KDM4C: variants seen among roughly 807,000 people sequenced by gnomAD.
KDM4C encodes lysine-specific demethylase 4C.
KDM4C carries 81 observed loss-of-function variants against 129.3 expected under a neutral mutation model. That is an observed-to-expected ratio of 0.63 (90% CI 0.52 to 0.75). The LOEUF is 0.75. Among genes scored for constraint, KDM4C ranks in the 30% least tolerant of loss-of-function variants. The pLI, the probability that KDM4C is intolerant of heterozygous loss-of-function variation, is 0.00. For synonymous variants in KDM4C, 573 were observed against 456.1 expected, an observed-to-expected ratio of 1.26 and a Z score of -3.26; for missense variants, 1,457 against 1,304.0, an observed-to-expected ratio of 1.12 and a Z score of -1.81.
At chr9:7,147,844 G>T (rs115251400) in intron 19 of KDM4C, among the ~76,000 whole-genome samples, 26 of 152,344 alleles carry the variant, frequency 1.7e-4, no homozygotes, top group African/African-American at 6.3e-4. Context: ...GAGCCTTAGG[G>T]TGTTGCTTTG....
At chr9:7,064,018 A>G (rs559763410) in intron 17 of KDM4C, among the ~76,000 whole-genome samples, 9 of 152,214 alleles carry the variant, frequency 5.9e-5, no homozygotes, top group Non-Finnish European at 1.2e-4. Context: ...TGCGCTTGGA[A>G]TGTGTCAGTG....
chr9:7,160,895 A>G (rs1296399605), intron 19 of KDM4C, among the ~76,000 whole-genome samples: 1 of 152,094 alleles, frequency 6.6e-6, no homozygotes, highest in Non-Finnish European at 1.5e-5. Flanking sequence ...AAGTCTGCAG[A>G]AGTTGTCTGC....
intron 15 of KDM4C, among the ~76,000 whole-genome samples, chr9:7,017,007 C>T (rs1461121064): frequency 6.6e-6 from 1 of 152,072 alleles, no homozygotes; most frequent in African/African-American, 2.4e-5. Flanking sequence ...GCAATCATGG[C>T]TCACCACAGT....
chr9:7,086,227 C>T (rs1200342149), intron 17 of KDM4C, among the ~76,000 whole-genome samples: 1 of 152,166 alleles, frequency 6.6e-6, no homozygotes, highest in African/African-American at 2.4e-5. Flanking sequence ...TTTTTAATAT[C>T]ATCTAAAATT....
intron 3 of KDM4C, among the ~76,000 whole-genome samples, chr9:6,808,002 C>T (rs1830426290): frequency 8.1e-6 from 1 of 123,630 alleles, no homozygotes; most frequent in Non-Finnish European, 1.7e-5. Context: ...GGGGGGTCAG[C>T]CCCCCTGCCC....
At chr9:6,772,519 G>T (rs759407653) in intron 1 of KDM4C, among the ~76,000 whole-genome samples, 1 of 151,996 alleles carries the variant, frequency 6.6e-6, no homozygotes, top group Non-Finnish European at 1.5e-5. Context: ...GCACCACCAC[G>T]CCTGGTTAAT....
At chr9:6,961,707 C>T (rs550823926) in intron 8 of KDM4C, among the ~76,000 whole-genome samples, 8 of 152,202 alleles carry the variant, frequency 5.3e-5, no homozygotes, top group African/African-American at 1.9e-4. Flanking sequence ...GGGTCTGTGG[C>T]CCTGTCAAAC....
intron 8 of KDM4C, among the ~76,000 whole-genome samples, chr9:6,936,608 G>A (rs971405925): frequency 7.9e-5 from 12 of 152,094 alleles, no homozygotes; most frequent in African/African-American, 2.2e-4. Flanking sequence ...TAGGTTGAAC[G>A]CCATATCATT....
At chr9:7,031,998 T>C (rs1826862069) in intron 15 of KDM4C, among the ~76,000 whole-genome samples, 1 of 152,208 alleles carries the variant, frequency 6.6e-6, no homozygotes, top group Non-Finnish European at 1.5e-5. Context: ...TAGTCTACTT[T>C]CCAACCTTAA....
intron 19 of KDM4C, among the ~76,000 whole-genome samples, chr9:7,164,720 C>T: frequency 6.6e-6 from 1 of 152,162 alleles, no homozygotes; most frequent in Non-Finnish European, 1.5e-5. Flanking sequence ...CTTTTAGTCT[C>T]CCATAGCTTC....
chr9:6,765,065 A>T (rs1820348521), intron 1 of KDM4C, among the ~76,000 whole-genome samples: 1 of 152,144 alleles, frequency 6.6e-6, no homozygotes, highest in Non-Finnish European at 1.5e-5. Context: ...CCAATGCATT[A>T]TCCTACCATT....
At chr9:6,742,732 G>A (rs1245169315) in intron 1 of KDM4C, among the ~76,000 whole-genome samples, 1 of 151,282 alleles carries the variant, frequency 6.6e-6, no homozygotes, top group Non-Finnish European at 1.5e-5. Flanking sequence ...CTGGAGGGCA[G>A]TGGGGCGATC....
intron 1 of KDM4C, among the ~76,000 whole-genome samples, chr9:6,765,644 CAT>C (rs1245882941): frequency 1.3e-5 from 2 of 152,112 alleles, no homozygotes; most frequent in Non-Finnish European, 2.9e-5. Flanking sequence ...ATGACTTTTA[CAT>C]ATATGCAAAA....
intron 8 of KDM4C, among the ~76,000 whole-genome samples, chr9:6,942,945 A>G (rs1022551783): frequency 4.6e-5 from 7 of 152,116 alleles, no homozygotes; most frequent in African/African-American, 9.7e-5. Context: ...GGCCCCTTGT[A>G]GCCCCAACCT....
chr9:6,776,344 A>G (rs570683563), intron 1 of KDM4C, among the ~76,000 whole-genome samples: 2 of 152,066 alleles, frequency 1.3e-5, no homozygotes, highest in South Asian at 2.1e-4. Flanking sequence ...GCTTACTGCA[A>G]CCTCTGCCTC....
At position 6,741,793 on chromosome 9, in the gene KDM4C, C is replaced by G. The variant is rs901599280; in HGVS notation, c.49+20796C>G. On this transcript the variant is annotated intron_variant, in intron 1 of 17. Transcript: ENST00000536108. ...ATGTTTCCCAGGCTGATTTTGAACT[C>G]CTGGTCTCAAGGGATTCACCTGCCT... Among the ~76,000 whole-genome samples, 7 of 149,456 alleles carry G rather than the reference C, an allele frequency of 4.7e-5. No individual in the cohort carries two copies. The Admixed American group carries it at 4.7e-4, about 10-fold the overall frequency.
chr9:7,075,984 A>G (rs1415806203), intron 17 of KDM4C, among the ~76,000 whole-genome samples: 2 of 152,170 alleles, frequency 1.3e-5, no homozygotes, highest in Non-Finnish European at 2.9e-5. Context: ...AGTCATAGAA[A>G]AGAACAGCAA....
chr9:6,866,969 G>A (rs1842086804), intron 5 of KDM4C, among the ~76,000 whole-genome samples: 2 of 61,898 alleles, frequency 3.2e-5, no homozygotes, highest in Admixed American at 2.3e-4. Context: ...AAAAATATAT[G>A]TTTGTGTGTG....
chr9:6,853,425 C>T (rs1039975010), intron 5 of KDM4C, among the ~76,000 whole-genome samples: 5 of 152,052 alleles, frequency 3.3e-5, no homozygotes, highest in Admixed American at 2.6e-4. Flanking sequence ...CCGGGGAGGT[C>T]AAGGCTGCAG....
Sources: allele counts gnomAD v4.1 joint callset (sites outside exome capture counted in the v4.1 genomes callset), GRCh38; gene constraint gnomAD v4.1.1; transcripts MANE v1.5; gene names NCBI Gene and HGNC (gene_info 2026-07-23, HGNC 2026-07-21).